Variants in SYNGR1 observed in about 807,000 individuals in gnomAD.
The protein encoded by SYNGR1 is synaptogyrin 1, also known as synaptogyrin-1.
A neutral mutation model predicts 26.1 loss-of-function variants in SYNGR1; 14 were observed. The ratio of observed to expected loss-of-function variants is 0.54; its 90% confidence interval spans 0.35 to 0.84. The LOEUF is 0.84. Ranked by LOEUF, SYNGR1 falls within the 40% of genes least tolerant of loss-of-function variation. The pLI is 0.01. For missense variants in SYNGR1, 319 were observed against 332.9 expected (o/e 0.96, Z 0.33); for synonymous variants, 141 against 150.1 (o/e 0.94, Z 0.44).
chr22:39,362,516 GT>G (rs778704746), intron 1 of SYNGR1, among the ~76,000 whole-genome samples: 1 of 152,072 alleles, frequency 6.6e-6, no homozygotes, highest in Non-Finnish European at 1.5e-5. Context: ...CACCCATCAT[GT>G]GTCCATGCGG....
chr22:39,358,862 C>T lies in SYNGR1; in HGVS notation c.99+8753C>T, dbSNP rs147473353. Among the ~76,000 whole-genome samples the T allele has an allele frequency of 4.8e-3, 728 of 152,360 alleles. 6 individuals are homozygous for T. Among genetic ancestry groups the T allele is most frequent in the Admixed American group, 7.9e-3 (121 of 15,292 alleles). On this transcript the variant is annotated intron_variant, in intron 1 of 3. Coordinates refer to ENST00000328933, the MANE Select transcript of SYNGR1 (RefSeq NM_004711.5). ...GCCCTGTGTTTCTGGGACAAACGTC[C>T]CTTCACAGATAGAGTTTTGCTCATC...
rs1220354520 is a variant in SYNGR1 at position 39,381,862 on chromosome 22, C to T, written c.650C>T (p.Pro217Leu). The T allele has an allele frequency of 5.6e-6, 9 of 1,612,868 alleles. No individual in the cohort carries two copies. Among genetic ancestry groups the T allele is most frequent in the South Asian group, 2.2e-5 (2 of 91,066 alleles). ...PAGMGGTYQQ[P>L]ANTFDTEPQG... Reference sequence around the variant, plus strand: ...GGTATGGGCGGCACCTACCAGCAGCCGGCCAACACCTTCGACACCGAGCCC... The same window carrying T: ...GGTATGGGCGGCACCTACCAGCAGCTGGCCAACACCTTCGACACCGAGCCC... Residue 217 changes from proline (P) to leucine (L), a missense_variant, in exon 4 of 4, where the codon CCG becomes CTG. Pro to Leu is a moderately conservative substitution (Grantham distance 98). Transcript: ENST00000328933.
intron 1 of SYNGR1, chr22:39,364,173 G>A: frequency 6.2e-7 from 1 of 1,612,244 alleles, no homozygotes; most frequent in East Asian, 2.2e-5. Context: ...CTCAGGACCA[G>A]CAGGCATGCC....
intron 1 of SYNGR1, among the ~76,000 whole-genome samples, chr22:39,355,191 A>G (rs1924090094): frequency 6.6e-6 from 1 of 152,206 alleles, no homozygotes; most frequent in Non-Finnish European, 1.5e-5. Flanking sequence ...AGAGGCTTGG[A>G]TGACAGACTC....
chr22:39,377,114 C>T (rs1925318626), intron 3 of SYNGR1: 1 of 1,538,868 alleles, frequency 6.5e-7, no homozygotes, highest in African/African-American at 1.4e-5. Flanking sequence ...CTGGGCCCAG[C>T]CTCCTGCAAG....
Position 39,350,155 on chromosome 22 carries a change from G to T in SYNGR1, c.99+46G>T. The T allele has an allele frequency of 7.5e-7, 1 of 1,331,136 alleles. No homozygotes were observed. The allele number at this position is 1,331,136 out of a possible 1,614,324, so 82.5% of individuals were successfully genotyped here. ...GGCTCTGCCAGGCCGGGGTGGTGGG[G>T]GTGTGAGCAAAGGCGGCGCGCCCGG... On this transcript the variant is annotated intron_variant, in intron 1 of 3. Transcript: ENST00000328933. The surrounding 1 kb of genome is among the most constrained non-coding windows in gnomAD (Gnocchi z 4.3).
intron 1 of SYNGR1, among the ~76,000 whole-genome samples, chr22:39,364,815 T>C (rs964969443): frequency 6.6e-6 from 1 of 152,172 alleles, no homozygotes; most frequent in Non-Finnish European, 1.5e-5. Flanking sequence ...TCTATGTGTC[T>C]CTGAATCCAG....
chr22:39,372,520 G>A (rs1202969594), intron 1 of SYNGR1, among the ~76,000 whole-genome samples: 5 of 134,750 alleles, frequency 3.7e-5, no homozygotes, highest in Admixed American at 8.8e-5. Flanking sequence ...GCACAATCTC[G>A]GCTCACTGCA....
chr22:39,355,916 G>T (rs1924123143), intron 1 of SYNGR1, among the ~76,000 whole-genome samples: 1 of 152,188 alleles, frequency 6.6e-6, no homozygotes, highest in Admixed American at 6.5e-5. Context: ...CTACTTGGGA[G>T]GCTGAGGCAT....
intron 1 of SYNGR1, among the ~76,000 whole-genome samples, chr22:39,370,346 G>T (rs1385370069): frequency 1.3e-5 from 2 of 151,874 alleles, no homozygotes; most frequent in African/African-American, 4.8e-5. Context: ...TAGCCAGGAT[G>T]GTCTCAATCT....
chr22:39,356,361 C>A (rs985909915), intron 1 of SYNGR1, among the ~76,000 whole-genome samples: 1 of 152,078 alleles, frequency 6.6e-6, no homozygotes, highest in African/African-American at 2.4e-5. Context: ...GGCCTGAATG[C>A]AAGTTTAAAA....
chr22:39,366,561 A>C (rs2145619616), intron 1 of SYNGR1, among the ~76,000 whole-genome samples: 1 of 152,082 alleles, frequency 6.6e-6, no homozygotes, highest in South Asian at 2.1e-4. Flanking sequence ...CAGGAGAATC[A>C]CTTGAACCCG....
intron 1 of SYNGR1, among the ~76,000 whole-genome samples, chr22:39,372,661 G>A (rs555259350): frequency 3.3e-5 from 5 of 151,448 alleles, no homozygotes; most frequent in African/African-American, 9.7e-5. Flanking sequence ...TAGAGACAGG[G>A]TTTCTCCATG....
intron 1 of SYNGR1, among the ~76,000 whole-genome samples, chr22:39,363,986 G>A (rs572431073): frequency 6.6e-6 from 1 of 152,308 alleles, no homozygotes; most frequent in East Asian, 1.9e-4. Context: ...GTTCCTGGCA[G>A]CGTTACAGTG....
intron 1 of SYNGR1, among the ~76,000 whole-genome samples, chr22:39,353,166 C>T (rs754817201): frequency 2.0e-5 from 3 of 152,056 alleles, no homozygotes; most frequent in African/African-American, 4.8e-5. Flanking sequence ...CCGGCCTGGA[C>T]CTGGGATTTT....
At chr22:39,359,665 C>T (rs1244232884) in intron 1 of SYNGR1, among the ~76,000 whole-genome samples, 1 of 147,692 alleles carries the variant, frequency 6.8e-6, no homozygotes, top group Non-Finnish European at 1.5e-5. Context: ...AAAAGATGCC[C>T]ACCCTAGCTT....
chr22:39,382,245 G>A lies in SYNGR1; in HGVS notation c.*331G>A. 1 of 450,712 alleles carries A rather than the reference G, an allele frequency of 2.2e-6. No individual in the cohort carries two copies. Among genetic ancestry groups the A allele is most frequent in the South Asian group, 2.4e-5 (1 of 42,088 alleles). The allele number at this position is 450,712 out of a possible 1,614,324, so 27.9% of individuals were successfully genotyped here. On this transcript the variant is annotated 3_prime_UTR_variant, in exon 4 of 4. Coordinates refer to ENST00000328933, the MANE Select transcript of SYNGR1 (RefSeq NM_004711.5). ...CATGGGTGGTGACATTGGCAGAAATGGCCACTGGAAAGGGGAGCGATGAGC... is the reference window on the plus strand; with the variant it reads ...CATGGGTGGTGACATTGGCAGAAATAGCCACTGGAAAGGGGAGCGATGAGC...
rs1284992115 is a variant in SYNGR1 at position 39,382,197 on chromosome 22, C to G, written c.*283C>G. The G allele has an allele frequency of 1.8e-6, 1 of 545,456 alleles. No individual in the cohort carries two copies. The highest frequency in any genetic ancestry group is 1.9e-5 in the African/African-American group (1 of 52,822). 33.8% of individuals were successfully genotyped at this position (545,456 alleles called of 1,614,324 possible). A position where few individuals can be genotyped will look rare whatever the true frequency, so the allele number is the denominator to read the frequency against. ...TCATCAAGCATTCCTTGAGCGCCTA[C>G]TGGGCATCCGGCCTGTGCTGGGCAT... On this transcript the variant is annotated 3_prime_UTR_variant, in exon 4 of 4. Coordinates refer to ENST00000328933, the MANE Select transcript of SYNGR1 (RefSeq NM_004711.5).
Position 39,376,158 on chromosome 22 carries a change from G to A in SYNGR1, c.444G>A (p.Arg148=). ...NPLNEGTDAA[R]AAIAFSFFSI... is the part of the protein sequence containing the mutation. ...TGAACGAAGGGACGGACGCAGCCCG[G>A]GCCGCCATCGCCTTCTCCTTTTTCT... Residue 148 remains arginine, a synonymous_variant, in exon 3 of 4, where the codon CGG becomes CGA. Transcript: ENST00000328933. 4.3e-6 allele frequency: 7 copies of A among 1,614,170 alleles called. No individual in the cohort carries two copies. Among genetic ancestry groups the A allele is most frequent in the Non-Finnish European group, 5.9e-6 (7 of 1,180,050 alleles).
Sources: gnomAD v4.1 joint callset for allele counts (sites outside exome capture counted in the v4.1 genomes callset) on GRCh38, gnomAD v4.1.1 for gene constraint, Gnocchi (gnomAD v3.1) non-coding constraint, MANE v1.5 for transcripts, NCBI Gene and HGNC (gene_info 2026-07-23, HGNC 2026-07-21) for gene names.